PDSS2: variants seen among roughly 807,000 people sequenced by gnomAD.
PDSS2 encodes the protein decaprenyl diphosphate synthase subunit 2, also known as all trans-polyprenyl-diphosphate synthase PDSS2.
Under a neutral mutation model 44.5 loss-of-function variants are expected in PDSS2, and 31 were observed. The observed-to-expected ratio is 0.70, with a 90% CI of 0.52 to 0.94. The LOEUF (loss-of-function observed/expected upper bound fraction) is 0.94, where lower values mean the gene tolerates loss of function less well. Ranked by LOEUF, PDSS2 falls within the 40% of genes least tolerant of loss-of-function variation. The pLI, the probability that PDSS2 is intolerant of heterozygous loss-of-function variation, is 0.00. For missense variants in PDSS2, 452 were observed against 482.2 expected (o/e 0.94, Z 0.59); for synonymous variants, 157 against 180.3 (o/e 0.87, Z 1.03).
intron 1 of PDSS2, among the ~76,000 whole-genome samples, chr6:107,395,227 T>A (rs1779904632): frequency 6.6e-6 from 1 of 152,158 alleles, no homozygotes. Context: ...TTTCTCTTTA[T>A]CAGTTATTTT....
chr6:107,430,315 CACG>C (rs1264205731), intron 1 of PDSS2, among the ~76,000 whole-genome samples: 2 of 151,748 alleles, frequency 1.3e-5, no homozygotes, highest in African/African-American at 2.4e-5. Context: ...GCCTGGCGAA[CACG>C]ACAACACCCT....
At chr6:107,220,658 C>A (rs1453992657) in intron 4 of PDSS2, among the ~76,000 whole-genome samples, 2 of 151,956 alleles carry the variant, frequency 1.3e-5, no homozygotes, top group Non-Finnish European at 2.9e-5. Flanking sequence ...ATCATTTCTA[C>A]ATTTTAAATT....
intron 7 of PDSS2, among the ~76,000 whole-genome samples, chr6:107,162,755 C>T (rs1162468527): frequency 3.3e-5 from 5 of 151,712 alleles, no homozygotes; most frequent in African/African-American, 1.2e-4. Flanking sequence ...CAGGCATGTG[C>T]CACCACACCC....
intron 1 of PDSS2, among the ~76,000 whole-genome samples, chr6:107,366,776 A>G (rs1385368392): frequency 1.3e-5 from 2 of 151,926 alleles, no homozygotes; most frequent in Non-Finnish European, 2.9e-5. Context: ...GAAACTTAAG[A>G]ACACACAGAA....
At chr6:107,219,742 T>G (rs1773536705) in intron 4 of PDSS2, among the ~76,000 whole-genome samples, 1 of 152,248 alleles carries the variant, frequency 6.6e-6, no homozygotes, top group Non-Finnish European at 1.5e-5. Context: ...TCTTATATGT[T>G]TCCTTGAAGG....
At chr6:107,218,710 T>A (rs1333675694) in intron 4 of PDSS2, among the ~76,000 whole-genome samples, 1 of 152,212 alleles carries the variant, frequency 6.6e-6, no homozygotes, top group Admixed American at 6.5e-5. Context: ...TCTCTCTCCC[T>A]CTTTTGTACC....
At position 107,180,295 on chromosome 6, in the gene PDSS2, G is replaced by A. The variant is rs573321047; in HGVS notation, c.1041+13527C>T. 8.5e-5 allele frequency among the ~76,000 whole-genome samples: 13 copies of A among 152,224 alleles called. No homozygotes were observed. In the South Asian group the frequency reaches 1.7e-3, roughly 19 times the overall value. ...ATCCCACAGTGCAGAGCATCCACCC[G>A]CAGAGCCAGCCTGAAGGGCATTTCT... is the stretch of plus-strand genomic sequence containing the variant. On this transcript the variant is annotated intron_variant, in intron 7 of 7. Coordinates refer to ENST00000369037, the MANE Select transcript of PDSS2 (RefSeq NM_020381.4).
At chr6:107,410,678 G>A (rs1229260611) in intron 1 of PDSS2, among the ~76,000 whole-genome samples, 2 of 151,874 alleles carry the variant, frequency 1.3e-5, no homozygotes, top group Non-Finnish European at 2.9e-5. Flanking sequence ...AGTAAAGATG[G>A]GGCTTCACCA....
At chr6:107,200,276 C>T (rs1377139500) in intron 6 of PDSS2, among the ~76,000 whole-genome samples, 5 of 152,142 alleles carry the variant, frequency 3.3e-5, no homozygotes, top group Non-Finnish European at 7.3e-5. Flanking sequence ...GGTTTCTAGT[C>T]CTTCATTGGT....
At chr6:107,194,604 C>T (rs999452731) in intron 6 of PDSS2, among the ~76,000 whole-genome samples, 3 of 152,176 alleles carry the variant, frequency 2.0e-5, no homozygotes, top group African/African-American at 7.2e-5. Context: ...GGAAATATTA[C>T]ATACTCCATC....
chr6:107,294,614 C>T (rs1203400114), intron 2 of PDSS2, among the ~76,000 whole-genome samples: 3 of 151,946 alleles, frequency 2.0e-5, no homozygotes, highest in Non-Finnish European at 2.9e-5. Flanking sequence ...CAGCTTAATG[C>T]GTAACTCATA....
intron 7 of PDSS2, among the ~76,000 whole-genome samples, chr6:107,189,066 T>C (rs1045345881): frequency 1.1e-4 from 17 of 152,070 alleles, no homozygotes; most frequent in African/African-American, 1.7e-4. Context: ...TGCACCACCA[T>C]ACCTAGCTAT....
chr6:107,340,532 T>C (rs1028544739), intron 1 of PDSS2, among the ~76,000 whole-genome samples: 4 of 152,202 alleles, frequency 2.6e-5, no homozygotes, highest in African/African-American at 9.7e-5. Context: ...TCAACACGTA[T>C]GAAGGGTATA....
chr6:107,228,715 TAAATAAACAAACAAAC>T (rs1254650990), intron 4 of PDSS2, among the ~76,000 whole-genome samples: 37 of 116,264 alleles, frequency 3.2e-4, no homozygotes, highest in African/African-American at 1.2e-3. Flanking sequence ...AATAAATAAA[TAAATAAACAAACAAAC>T]AAACAAACAA....
At position 107,418,601 on chromosome 6, in the gene PDSS2, G is replaced by A. The variant is rs138725524; in HGVS notation, c.296+40389C>T. 2.8e-4 allele frequency among the ~76,000 whole-genome samples: 42 copies of A among 152,030 alleles called. No individual in the cohort carries two copies. The East Asian group carries it at 7.5e-3, about 27-fold the overall frequency. On this transcript the variant is annotated intron_variant, in intron 1 of 7. Coordinates refer to ENST00000369037, the MANE Select transcript of PDSS2 (RefSeq NM_020381.4). ...ATCCTGGGAAACATGATGATACCCC[G>A]CATCTGCCAAAAATACAAAAAAAAT...
chr6:107,263,125 T>C (rs1775298227), intron 3 of PDSS2, among the ~76,000 whole-genome samples: 1 of 152,070 alleles, frequency 6.6e-6, no homozygotes, highest in African/African-American at 2.4e-5. Flanking sequence ...TTTGCAGGTA[T>C]TGTAGAATGC....
intron 7 of PDSS2, among the ~76,000 whole-genome samples, chr6:107,182,777 C>T (rs541261068): frequency 6.4e-4 from 98 of 152,208 alleles, no homozygotes; most frequent in Non-Finnish European, 1.1e-3. Context: ...AACTGACAAA[C>T]TAATTGTTTT....
intron 6 of PDSS2, 30 bp downstream of exon 6, chr6:107,210,409 G>C: frequency 6.5e-6 from 10 of 1,528,898 alleles, no homozygotes; most frequent in Non-Finnish European, 8.1e-6. Flanking sequence ...ATTACTACTG[G>C]TACCTAAAAC....
At chr6:107,403,281 C>A (rs1205806031) in intron 1 of PDSS2, among the ~76,000 whole-genome samples, 1 of 152,218 alleles carries the variant, frequency 6.6e-6, no homozygotes, top group Non-Finnish European at 1.5e-5. Context: ...TGTCTCACAT[C>A]CAGGTCACGC....
Sources: gnomAD v4.1 joint callset for allele counts (sites outside exome capture counted in the v4.1 genomes callset) on GRCh38, gnomAD v4.1.1 for gene constraint, MANE v1.5 for transcripts, NCBI Gene and HGNC (gene_info 2026-07-23, HGNC 2026-07-21) for gene names.